Variants in DIS3L2 observed in about 807,000 individuals in gnomAD.
DIS3L2 encodes the protein DIS3-like exonuclease 2.
A neutral mutation model predicts 97.5 loss-of-function variants in DIS3L2; 34 were observed. That is an observed-to-expected ratio of 0.35 (90% CI 0.27 to 0.46). The LOEUF is 0.46. DIS3L2 is among the 20% of genes least tolerant of loss of function. The pLI is 1.00. For synonymous variants in DIS3L2, 435 were observed against 445.2 expected (o/e 0.98, Z 0.29); for missense variants, 1,038 against 1,146.0 (o/e 0.91, Z 1.36).
intron 12 of DIS3L2, among the ~76,000 whole-genome samples, chr2:232,255,838 G>A (rs772913400): frequency 5.3e-5 from 8 of 152,140 alleles, no homozygotes; most frequent in Non-Finnish European, 7.4e-5. Context: ...CAAAAACCAC[G>A]GGGTCATTCT....
chr2:232,172,684 C>T (rs373300795), intron 9 of DIS3L2: 2 of 534,338 alleles, frequency 3.7e-6, no homozygotes, highest in Non-Finnish European at 7.7e-6. Context: ...GGTCAGTCTA[C>T]TTTTAGAGTA....
chr2:232,261,177 C>T (rs1015807938), intron 12 of DIS3L2, among the ~76,000 whole-genome samples: 4 of 152,174 alleles, frequency 2.6e-5, no homozygotes, highest in African/African-American at 7.2e-5. Flanking sequence ...CTCAGCTTCC[C>T]TCTTCTTCCC....
At chr2:232,284,658 T>G (rs1694378579) in intron 13 of DIS3L2, among the ~76,000 whole-genome samples, 1 of 152,212 alleles carries the variant, frequency 6.6e-6, no homozygotes, top group Non-Finnish European at 1.5e-5. Flanking sequence ...CCATGTGGTC[T>G]TTGCCCCGGG....
intron 13 of DIS3L2, among the ~76,000 whole-genome samples, chr2:232,295,011 C>G (rs575446782): frequency 6.6e-6 from 1 of 152,258 alleles, no homozygotes; most frequent in South Asian, 2.1e-4. Context: ...CGTATTGTAT[C>G]TCCACTCCCT....
At chr2:232,311,010 G>A (rs1695113208) in intron 14 of DIS3L2, among the ~76,000 whole-genome samples, 1 of 152,270 alleles carries the variant, frequency 6.6e-6, no homozygotes, top group Non-Finnish European at 1.5e-5. Flanking sequence ...GAGGGACAGA[G>A]TCTGAAGTCA....
chr2:232,117,913 C>T (rs897668853), intron 6 of DIS3L2, among the ~76,000 whole-genome samples: 2 of 152,222 alleles, frequency 1.3e-5, no homozygotes, highest in African/African-American at 2.4e-5. Context: ...TTTATTATCT[C>T]ACAGTTTCTG....
At chr2:232,014,804 T>TA in intron 1 of DIS3L2, 31 bp from the exon 2 acceptor site, 1 of 1,031,584 alleles carries the variant, frequency 9.7e-7, no homozygotes, top group South Asian at 1.7e-5. Context: ...GCTTAACCGC[T>TA]CTCCAATTAC....
intron 5 of DIS3L2, among the ~76,000 whole-genome samples, chr2:232,058,322 C>A (rs1350052635): frequency 6.6e-6 from 1 of 152,148 alleles, no homozygotes; most frequent in Non-Finnish European, 1.5e-5. Context: ...CTTGACGGCT[C>A]TAATTCTGTG....
chr2:232,255,632 C>A (rs1384857024), intron 12 of DIS3L2, among the ~76,000 whole-genome samples: 1 of 152,162 alleles, frequency 6.6e-6, no homozygotes, highest in African/African-American at 2.4e-5. Context: ...TATTCTCTGA[C>A]TTAGTAACTA....
chr2:232,248,886 G>C (rs1207525511), intron 11 of DIS3L2, among the ~76,000 whole-genome samples: 5 of 152,222 alleles, frequency 3.3e-5, no homozygotes, highest in Admixed American at 2.6e-4. Context: ...GGGCTCTTAA[G>C]TATATGTATA....
chr2:232,064,427 C>G (rs1695797083), intron 5 of DIS3L2, among the ~76,000 whole-genome samples: 1 of 152,152 alleles, frequency 6.6e-6, no homozygotes, highest in South Asian at 2.1e-4. Context: ...GTTTGTTTAC[C>G]TCTTCACCAG....
At chr2:232,284,358 C>A (rs1009550604) in intron 13 of DIS3L2, among the ~76,000 whole-genome samples, 4 of 152,186 alleles carry the variant, frequency 2.6e-5, no homozygotes, top group African/African-American at 4.8e-5. Context: ...GAGCCTCCAG[C>A]TTCCCAGCTG....
intron 9 of DIS3L2, among the ~76,000 whole-genome samples, chr2:232,191,321 T>G (rs1292940395): frequency 1.3e-5 from 2 of 152,164 alleles, no homozygotes; most frequent in African/African-American, 4.8e-5. Context: ...TTTTCAACAA[T>G]GGGAAATCTT....
chr2:232,098,354 A>AC (rs1250850426), intron 6 of DIS3L2, among the ~76,000 whole-genome samples: 6 of 115,182 alleles, frequency 5.2e-5, no homozygotes, highest in African/African-American at 1.8e-4. Flanking sequence ...CGAGGTTTCT[A>AC]ATTTTTTTTT....
At chr2:232,211,657 A>G (rs930542279) in intron 10 of DIS3L2, among the ~76,000 whole-genome samples, 8 of 152,172 alleles carry the variant, frequency 5.3e-5, no homozygotes, top group Admixed American at 2.0e-4. Flanking sequence ...CTAGTGGCCT[A>G]GTGTTTTAAA....
Position 232,087,518 on chromosome 2 carries a change from C to G in DIS3L2, c.398C>G (p.Thr133Arg). 1.9e-6 allele frequency: 3 copies of G among 1,612,176 alleles called. No individual in the cohort carries two copies. Among genetic ancestry groups the G allele is most frequent in the Non-Finnish European group, 2.5e-6 (3 of 1,179,190 alleles). The change falls in exon 6 of 21, where the codon ACA becomes AGA. Residue 133 changes from threonine to arginine, a missense_variant. Transcript: ENST00000325385. ...VVKPESNDKE[T>R]EAAYESDIPE... The stretch of plus-strand genomic sequence containing the variant: ...AAACCAGAGAGCAATGACAAAGAAA[C>G]AGAAGCTGCGTATGAATCAGATATC...
intron 20 of DIS3L2, 163 bp downstream of exon 20, chr2:232,336,037 T>G (rs561649683): frequency 1.3e-6 from 2 of 1,525,172 alleles, no homozygotes; most frequent in South Asian, 2.5e-5. Context: ...CCCCCTCCTG[T>G]GGGTCCTGCT....
At chr2:232,323,265 G>T (rs1468909620) in intron 14 of DIS3L2, among the ~76,000 whole-genome samples, 1 of 152,226 alleles carries the variant, frequency 6.6e-6, no homozygotes, top group African/African-American at 2.4e-5. Flanking sequence ...TGGGAGCAGA[G>T]CCCGAACTTG....
intron 11 of DIS3L2, among the ~76,000 whole-genome samples, chr2:232,242,443 A>G (rs1172424444): frequency 1.3e-5 from 2 of 152,162 alleles, no homozygotes; most frequent in African/African-American, 2.4e-5. Flanking sequence ...AGAAGCCCCT[A>G]TGACTTGGCT....
Sources: gnomAD v4.1 joint callset for allele counts (sites outside exome capture counted in the v4.1 genomes callset) on GRCh38, gnomAD v4.1.1 for gene constraint, MANE v1.5 for transcripts, NCBI Gene and HGNC (gene_info 2026-07-23, HGNC 2026-07-21) for gene names.